MIIP: variants seen among roughly 807,000 people sequenced by gnomAD.
The protein encoded by MIIP is migration and invasion-inhibitory protein.
MIIP carries 44 observed loss-of-function variants against 44.8 expected under a neutral mutation model. The observed-to-expected ratio is 0.98, with a 90% confidence interval of 0.77 to 1.26. MIIP has a LOEUF of 1.26. Among genes scored for constraint, MIIP ranks in the 50% most tolerant of loss-of-function variants. The pLI is 0.00. For synonymous variants in MIIP, 225 were observed against 218.3 expected (o/e 1.03, Z -0.27); for missense variants, 496 against 511.7 (o/e 0.97, Z 0.30).
Position 12,029,297 on chromosome 1 carries a change from C to A in MIIP, c.715+16C>A. 6.2e-7 allele frequency: 1 copy of A among 1,610,572 alleles called. No homozygotes were observed. On this transcript the variant is annotated intron_variant, in intron 6 of 9. Transcript: ENST00000235332. ...GACCATGAATGTGAGTGCGGGCCCT[C>A]GGCTAGGCCGCTGAGTAGTCCAGCC...
rs1054239192 is a variant in MIIP at position 12,029,046 on chromosome 1, C to T, written c.561C>T (p.Thr187=). 1 of 1,613,974 alleles carries T rather than the reference C, an allele frequency of 6.2e-7. No homozygotes were observed. Among genetic ancestry groups the T allele is most frequent in the African/African-American group, 1.3e-5 (1 of 74,946 alleles). Residue 187 remains threonine, a synonymous_variant, in exon 5 of 10, where the codon ACC becomes ACT. Transcript: ENST00000235332. ...GYDWIAGSLD[T]SSSITSQPEA... ...TGCCCACACCAGGGTCTCTGGACACCAGCTCTTCCATCACCAGCCAGCCTG... is the reference window on the plus strand; with the variant it reads ...TGCCCACACCAGGGTCTCTGGACACTAGCTCTTCCATCACCAGCCAGCCTG...
chr1:12,028,483 C>G (rs11589075), intron 4 of MIIP, among the ~76,000 whole-genome samples: 4 of 151,928 alleles, frequency 2.6e-5, no homozygotes, highest in Non-Finnish European at 4.4e-5. Context: ...ATGCCCACCC[C>G]GGGGCCTTTG....
chr1:12,025,040 G>GTTGTTT (rs1640074475), intron 4 of MIIP, among the ~76,000 whole-genome samples: 1 of 138,852 alleles, frequency 7.2e-6, no homozygotes. Flanking sequence ...TTTTTTTTTT[G>GTTGTTT]TTTTTTGTTT....
At chr1:12,030,624 A>T (rs1468216751) in intron 8 of MIIP, among the ~76,000 whole-genome samples, 1 of 128,548 alleles carries the variant, frequency 7.8e-6, no homozygotes, top group Non-Finnish European at 1.5e-5. Flanking sequence ...GTGCATTGGC[A>T]TGGTCTCAGC....
intron 1 of MIIP, among the ~76,000 whole-genome samples, chr1:12,020,342 G>C (rs148025276): frequency 6.6e-6 from 1 of 152,210 alleles, no homozygotes; most frequent in East Asian, 1.9e-4. Flanking sequence ...TATAAAGCAA[G>C]CTTGTCCAAA....
chr1:12,030,556 CTTTTTTTTT>C (rs71568383), intron 8 of MIIP, among the ~76,000 whole-genome samples: 3 of 59,068 alleles, frequency 5.1e-5, no homozygotes, highest in African/African-American at 6.9e-5. Context: ...GCTGCTGCTG[CTTTTTTTTT>C]TTTTTTTTTT....
rs1174954573 is a variant in MIIP, at chr1:12,030,140, G to T, written c.942+16G>T. On this transcript the variant is annotated intron_variant, in intron 8 of 9. Transcript: ENST00000235332. ...CCTGCCCCGGGTGAGCAGCCACGTG[G>T]GGCTGGATGGTGATGAGGGCGGGGC... 1 of 1,610,318 alleles carries T rather than the reference G, an allele frequency of 6.2e-7. No individual in the cohort carries two copies. The highest frequency in any genetic ancestry group is 1.7e-5 in the Admixed American group (1 of 59,990).
rs11553925 is a variant in MIIP at position 12,022,277 on chromosome 1, A to T, written c.297A>T (p.Lys99Asn). Residue 99 changes from lysine to asparagine, a missense_variant, in exon 3 of 10, where the codon AAA becomes AAT. Transcript: ENST00000235332. ...GGGTGGCCTCTCTCCCACCTGCCAA[A>T]TGCCAGCACCAGGAGTCCCTGGGCC... The part of the protein sequence containing the change: ...RSGVASLPPA[K>N]CQHQESLGRP... 367,880 of 1,613,478 alleles carry T rather than the reference A, an allele frequency of 0.23. 44,168 individuals are homozygous for T. Among genetic ancestry groups the T allele is most frequent in the Non-Finnish European group, 0.25 (291,923 of 1,179,836 alleles).
intron 1 of MIIP, among the ~76,000 whole-genome samples, chr1:12,021,393 C>CA (rs778338153): frequency 0.01 from 1,182 of 117,332 alleles, 14 homozygotes; most frequent in African/African-American, 0.03. Context: ...GACTCCATCT[C>CA]AAAAAAAAAA....
rs1640201756 is a variant in MIIP at position 12,030,057 on chromosome 1, C to T, written c.875C>T (p.Pro292Leu). 6.2e-7 allele frequency: 1 copy of T among 1,613,542 alleles called. No individual in the cohort carries two copies. The highest frequency in any genetic ancestry group is 1.3e-5 in the African/African-American group (1 of 75,042). ...AGCATCCCGCTGTCGATCCTGGAGC[C>T]CCCGCACCGGTACCACATCCACCGG... ...RVSIPLSILE[P>L]PHRYHIHRRK... Residue 292 changes from proline (P) to leucine (L), a missense_variant, in exon 8 of 10, where the codon CCC (proline) becomes CTC (leucine). By Grantham distance (98) the Pro-to-Leu change is moderately conservative. Coordinates refer to ENST00000235332, the MANE Select transcript of MIIP (RefSeq NM_021933.4).
chr1:12,031,744 C>T lies in MIIP; in HGVS notation c.1103C>T (p.Pro368Leu), dbSNP rs1238759702. The T allele has an allele frequency of 2.5e-6, 4 of 1,614,036 alleles. No individual in the cohort carries two copies. Among genetic ancestry groups the T allele is most frequent in the Non-Finnish European group, 3.4e-6 (4 of 1,179,966 alleles). Reference sequence around the variant, plus strand: ...CAGGCCTCACCAATGCAGATGCTGCCCCCGACCCCGACCTGGTCAGTGCCC... The same window carrying T: ...CAGGCCTCACCAATGCAGATGCTGCTCCCGACCCCGACCTGGTCAGTGCCC... The part of the protein sequence containing the change: ...FHPASPMQML[P>L]PTPTWSVPQV... The change falls in exon 10 of 10, where the codon CCC (proline) becomes CTC (leucine). Residue 368 changes from proline (P) to leucine (L), a missense_variant. Physicochemically the swap from Pro to Leu is moderately conservative, Grantham distance 98. Transcript: ENST00000235332.
At position 12,031,711 on chromosome 1, in the gene MIIP, T is replaced by A. The variant is rs548482438; in HGVS notation, c.1081-11T>A. 2 of 1,613,860 alleles carry A rather than the reference T, an allele frequency of 1.2e-6. No homozygotes were observed. Among genetic ancestry groups the A allele is most frequent in the South Asian group, 2.2e-5 (2 of 91,080 alleles). ...AGTGGCCCCCCTGAGACTTCCCTATTCCCCATCCAGGCCTCACCAATGCAG... is the reference window on the plus strand; with the variant it reads ...AGTGGCCCCCCTGAGACTTCCCTATACCCCATCCAGGCCTCACCAATGCAG... On this transcript the variant is annotated splice_polypyrimidine_tract_variant and intron_variant, in intron 9 of 9. Transcript: ENST00000235332.
rs373809015 is a variant in MIIP, at chr1:12,021,712, T to A, written c.-15T>A. ...CGGCCCAGGGGCAAGTGACACCTGC[T>A]GAGAGAGGCCCAGGATGGTGGAGGC... On this transcript the variant is annotated 5_prime_UTR_variant, in exon 2 of 10. Coordinates refer to ENST00000235332, the MANE Select transcript of MIIP (RefSeq NM_021933.4). 4 of 1,610,674 alleles carry A rather than the reference T, an allele frequency of 2.5e-6. No individual in the cohort carries two copies. In the African/African-American group the frequency reaches 5.3e-5, roughly 22 times the overall value.
chr1:12,025,191 CAGG>C, intron 4 of MIIP, among the ~76,000 whole-genome samples: 1 of 151,892 alleles, frequency 6.6e-6, no homozygotes, highest in African/African-American at 2.4e-5. Flanking sequence ...TCCCGAGTAG[CAGG>C]TATTACAGGT....
chr1:12,024,362 G>A (rs1640055600), intron 4 of MIIP, among the ~76,000 whole-genome samples: 1 of 152,136 alleles, frequency 6.6e-6, no homozygotes, highest in African/African-American at 2.4e-5. Flanking sequence ...TCCCATTGCT[G>A]TCCTTTGCAT....
In MIIP at chr1:12,022,896, C is replaced by A; in HGVS notation, c.526C>A (p.Leu176Met). ...GAGGAGCTGGCGCCTCAGGCCATACCTGGGCTATGACTGGATTGCAGGTAA... is the reference window on the plus strand; with the variant it reads ...GAGGAGCTGGCGCCTCAGGCCATACATGGGCTATGACTGGATTGCAGGTAA... ...PKRSWRLRPY[L>M]GYDWIAGSLD... is the part of the protein sequence containing the mutation. Residue 176 changes from leucine (L) to methionine (M), a missense_variant, in exon 4 of 10, where the codon CTG becomes ATG. Coordinates refer to ENST00000235332, the MANE Select transcript of MIIP (RefSeq NM_021933.4). 9.9e-6 allele frequency: 16 copies of A among 1,610,326 alleles called. No individual in the cohort carries two copies. Among genetic ancestry groups the A allele is most frequent in the Non-Finnish European group, 1.4e-5 (16 of 1,178,164 alleles).
In MIIP at chr1:12,022,910, G is replaced by A. The variant is rs369595441; in HGVS notation, c.540G>A (p.Trp180Ter). The A allele has an allele frequency of 2.5e-6, 4 of 1,609,618 alleles. No homozygotes were observed. The African/African-American group carries it at 5.3e-5, about 22-fold the overall frequency. The change falls in exon 4 of 10, where the codon TGG becomes TGA. Residue 180 changes from tryptophan to a stop codon, truncating the protein, a stop_gained. Coordinates refer to ENST00000235332, the MANE Select transcript of MIIP (RefSeq NM_021933.4). LOFTEE classifies it high-confidence loss of function. ...WRLRPYLGYDWIAGSLDTSSS... is the reference protein window; with the variant it reads ...WRLRPYLGYD ...TCAGGCCATACCTGGGCTATGACTGGATTGCAGGTAAGGCGTGCTGTTGCC... is the reference window on the plus strand; with the variant it reads ...TCAGGCCATACCTGGGCTATGACTGAATTGCAGGTAAGGCGTGCTGTTGCC...
intron 1 of MIIP, among the ~76,000 whole-genome samples, chr1:12,019,948 C>T (rs1028830084): frequency 6.6e-6 from 1 of 152,196 alleles, no homozygotes; most frequent in Non-Finnish European, 1.5e-5. Flanking sequence ...CTCTGGACTG[C>T]ATCTCCGTGC....
intron 4 of MIIP, among the ~76,000 whole-genome samples, chr1:12,028,488 C>G (rs1569928102): frequency 6.6e-6 from 1 of 152,076 alleles, no homozygotes; most frequent in South Asian, 2.1e-4. Flanking sequence ...CACCCCGGGG[C>G]CTTTGCGCTT....
Sources: gnomAD v4.1 joint callset for allele counts (sites outside exome capture counted in the v4.1 genomes callset) on GRCh38, gnomAD v4.1.1 for gene constraint, MANE v1.5 for transcripts, NCBI Gene and HGNC (gene_info 2026-07-23, HGNC 2026-07-21) for gene names.